GAS7: variants seen among roughly 807,000 people sequenced by gnomAD.
GAS7 encodes growth arrest specific 7.
A neutral mutation model predicts 71.1 loss-of-function variants in GAS7; 28 were observed. The ratio of observed to expected loss-of-function variants is 0.39; its 90% CI spans 0.29 to 0.54. The LOEUF is 0.54. GAS7 is among the 20% of genes least tolerant of loss of function. The pLI, the probability that GAS7 is intolerant of heterozygous loss-of-function variation, is 0.62. For synonymous variants in GAS7, 258 were observed against 245.8 expected (o/e 1.05, Z -0.46); for missense variants, 436 against 627.8 (o/e 0.69, Z 3.27).
At chr17:10,036,736 T>C (rs1010757694) in intron 1 of GAS7, 2 of 1,242,022 alleles carry the variant, frequency 1.6e-6, no homozygotes, top group South Asian at 2.9e-5. Context: ...ACTTTCCAGA[T>C]GCAATGTTTC....
chr17:10,030,857 G>T (rs1038015035), intron 1 of GAS7, among the ~76,000 whole-genome samples: 1 of 152,092 alleles, frequency 6.6e-6, no homozygotes, highest in African/African-American at 2.4e-5. Flanking sequence ...CACATCAGAC[G>T]CCCACCCCCA....
intron 1 of GAS7, among the ~76,000 whole-genome samples, chr17:10,030,442 A>G (rs2072588135): frequency 6.6e-6 from 1 of 152,224 alleles, no homozygotes; most frequent in African/African-American, 2.4e-5. Context: ...GAGCATGACC[A>G]TGTCCTGTGG....
chr17:9,964,610 C>T (rs1040465907), intron 4 of GAS7, among the ~76,000 whole-genome samples: 1 of 152,206 alleles, frequency 6.6e-6, no homozygotes, highest in African/African-American at 2.4e-5. Flanking sequence ...AACCCTTGCT[C>T]ATCATTCCAG....
chr17:10,008,766 C>T (rs541373259), intron 2 of GAS7, among the ~76,000 whole-genome samples: 86 of 152,008 alleles, frequency 5.7e-4, no homozygotes, highest in Middle Eastern at 3.4e-3. Flanking sequence ...ATTAGGCTGG[C>T]GCTCTCTCTC....
chr17:10,188,436 C>T (rs1288061932), intron 1 of GAS7, among the ~76,000 whole-genome samples: 1 of 152,078 alleles, frequency 6.6e-6, no homozygotes, highest in Non-Finnish European at 1.5e-5. Context: ...TCAGATGCTC[C>T]CTGAGAAGAA....
intron 1 of GAS7, 98 bp from the exon 2 acceptor site, chr17:10,019,995 G>A (rs569962505): frequency 1.4e-4 from 169 of 1,182,702 alleles, no homozygotes; most frequent in South Asian, 5.1e-4. Flanking sequence ...CTACAGTAGC[G>A]TGACATTGGG....
chr17:10,003,427 C>T (rs1051230256), intron 2 of GAS7, among the ~76,000 whole-genome samples: 1 of 152,256 alleles, frequency 6.6e-6, no homozygotes, highest in African/African-American at 2.4e-5. Flanking sequence ...GACCTTCCCA[C>T]TCCATATGTC....
At chr17:10,045,356 A>C (rs945777672) in intron 1 of GAS7, among the ~76,000 whole-genome samples, 20 of 152,224 alleles carry the variant, frequency 1.3e-4, no homozygotes, top group African/African-American at 4.8e-5. Context: ...ATCATGGTAG[A>C]GTCCTAGGAC....
chr17:10,173,228 C>T (rs914369946), intron 1 of GAS7, among the ~76,000 whole-genome samples: 1 of 152,014 alleles, frequency 6.6e-6, no homozygotes, highest in Non-Finnish European at 1.5e-5. Context: ...GGGTTACTTT[C>T]GGGATGATGA....
chr17:10,009,729 T>G (rs562366573), intron 2 of GAS7, among the ~76,000 whole-genome samples: 1 of 150,326 alleles, frequency 6.7e-6, no homozygotes, highest in South Asian at 2.1e-4. Context: ...TCCAGTAGCC[T>G]GGTGTGGTGA....
intron 1 of GAS7, among the ~76,000 whole-genome samples, chr17:10,182,739 T>C (rs879624932): frequency 3.3e-5 from 5 of 152,160 alleles, no homozygotes; most frequent in Admixed American, 6.5e-5. Context: ...CCATCTGCAG[T>C]GTACAGCCCT....
At position 10,049,027 on chromosome 17, in the gene GAS7, G is replaced by T. The variant is rs527687360; in HGVS notation, c.184-29130C>A. On this transcript the variant is annotated intron_variant, in intron 1 of 13. Transcript: ENST00000432992. ...CTCCTACAAGGCCAGTGCAGATGAAGCAATGGGCCATGTGTGAGGAGCACG... is the reference window on the plus strand; with the variant it reads ...CTCCTACAAGGCCAGTGCAGATGAATCAATGGGCCATGTGTGAGGAGCACG... 7.2e-5 allele frequency among the ~76,000 whole-genome samples: 11 copies of T among 152,320 alleles called. No homozygotes were observed. In the South Asian group the frequency reaches 2.3e-3, roughly 32 times the overall value.
intron 2 of GAS7, among the ~76,000 whole-genome samples, chr17:10,002,846 T>C (rs918249374): frequency 6.6e-6 from 1 of 152,226 alleles, no homozygotes; most frequent in Non-Finnish European, 1.5e-5. Context: ...GTCTTTGCTA[T>C]TGTGAATAGC....
rs986231805 is a variant in GAS7 at position 9,917,082 on chromosome 17, C to A, written c.*146G>T. The A allele has an allele frequency of 1.6e-6, 1 of 634,268 alleles. No homozygotes were observed. The highest frequency in any genetic ancestry group is 2.6e-5 in the Admixed American group (1 of 38,862). 39.3% of individuals were successfully genotyped at this position (634,268 alleles called of 1,614,324 possible). Reference sequence around the variant, plus strand: ...TGGGGGAGCCCCCAGCTAGGCTGTCCGGGTCACCCTTCTGGAATCACCAGC... The same window carrying A: ...TGGGGGAGCCCCCAGCTAGGCTGTCAGGGTCACCCTTCTGGAATCACCAGC... On this transcript the variant is annotated 3_prime_UTR_variant, in exon 14 of 14. Transcript: ENST00000432992.
chr17:10,053,425 G>A (rs966071584), intron 1 of GAS7, among the ~76,000 whole-genome samples: 6 of 152,172 alleles, frequency 3.9e-5, no homozygotes, highest in Admixed American at 1.3e-4. Flanking sequence ...AAATGTACAT[G>A]TGTGGCTGGC....
intron 7 of GAS7, 66 bp from the exon 8 acceptor site, chr17:9,940,266 C>G: frequency 8.7e-7 from 1 of 1,152,862 alleles, no homozygotes; most frequent in Non-Finnish European, 1.3e-6. Context: ...TGCCCTGCTG[C>G]CCTGCACACC....
chr17:10,148,228 G>A (rs1354648550), intron 1 of GAS7, among the ~76,000 whole-genome samples: 1 of 152,108 alleles, frequency 6.6e-6, no homozygotes, highest in Non-Finnish European at 1.5e-5. Context: ...TTTTTGTGGG[G>A]TGAAAAGCTG....
intron 1 of GAS7, among the ~76,000 whole-genome samples, chr17:10,106,945 G>A (rs1165113432): frequency 1.3e-5 from 2 of 152,152 alleles, no homozygotes; most frequent in South Asian, 2.1e-4. Flanking sequence ...GGGTCTAAGA[G>A]GAAGACAAGG....
intron 1 of GAS7, among the ~76,000 whole-genome samples, chr17:10,197,920 C>T (rs879577102): frequency 2.8e-4 from 43 of 152,352 alleles, no homozygotes; most frequent in Admixed American, 1.3e-3. Flanking sequence ...TGCTCCTTAA[C>T]TCACACAGGC....
Sources: gnomAD v4.1 joint callset for allele counts (sites outside exome capture counted in the v4.1 genomes callset) on GRCh38, gnomAD v4.1.1 for gene constraint, MANE v1.5 for transcripts, NCBI Gene and HGNC (gene_info 2026-07-23, HGNC 2026-07-21) for gene names.